TMCC1: variants seen among roughly 807,000 people sequenced by gnomAD.
TMCC1 encodes the protein transmembrane and coiled-coil domains protein 1.
In TMCC1, 15 loss-of-function variants were observed where a neutral mutation model predicts 52.4. The observed-to-expected ratio is 0.29, with a 90% CI of 0.19 to 0.44. The LOEUF is 0.44. TMCC1 is among the 20% of genes least tolerant of loss of function. The probability of loss-of-function intolerance (pLI) is 1.00; values close to 1 mark genes in which losing one functional copy is unlikely to be tolerated. For synonymous variants in TMCC1, 279 were observed against 301.9 expected (o/e 0.92, Z 0.79); for missense variants, 503 against 806.0 (o/e 0.62, Z 4.55).
chr3:129,795,861 C>T (rs2056789143), intron 4 of TMCC1, among the ~76,000 whole-genome samples: 2 of 152,148 alleles, frequency 1.3e-5, no homozygotes, highest in East Asian at 1.9e-4. Flanking sequence ...GTCATCAGAT[C>T]GACTGTTGCA....
intron 4 of TMCC1, among the ~76,000 whole-genome samples, chr3:129,797,991 T>TTA (rs1390670430): frequency 7.3e-5 from 11 of 151,026 alleles, no homozygotes; most frequent in Admixed American, 7.2e-4. Context: ...TGTGCCTTTT[T>TTA]TTTTTTTTTC....
chr3:129,767,547 A>AT (rs953778801), intron 4 of TMCC1, among the ~76,000 whole-genome samples: 68 of 151,978 alleles, frequency 4.5e-4, no homozygotes, highest in African/African-American at 1.6e-3. Flanking sequence ...TAATTTTTAA[A>AT]TTTTTTTGTA....
At chr3:129,745,087 T>C (rs758935819) in intron 4 of TMCC1, among the ~76,000 whole-genome samples, 1 of 152,222 alleles carries the variant, frequency 6.6e-6, no homozygotes, top group Non-Finnish European at 1.5e-5. Context: ...TTGTAAGACA[T>C]GCACTGCACT....
chr3:129,766,994 G>T (rs190012943), intron 4 of TMCC1, among the ~76,000 whole-genome samples: 1 of 151,722 alleles, frequency 6.6e-6, no homozygotes, highest in Admixed American at 6.6e-5. Flanking sequence ...GGGCACAGTG[G>T]CTTATACCTG....
intron 2 of TMCC1, among the ~76,000 whole-genome samples, chr3:129,871,395 A>C (rs898122409): frequency 7.3e-5 from 11 of 150,426 alleles, no homozygotes; most frequent in African/African-American, 2.4e-4. Context: ...AAAGAATAGG[A>C]TCTTACATTT....
At chr3:129,676,607 C>G (rs1480411133) in intron 4 of TMCC1, among the ~76,000 whole-genome samples, 4 of 152,182 alleles carry the variant, frequency 2.6e-5, no homozygotes, top group African/African-American at 4.8e-5. Flanking sequence ...TTAGCTCTGT[C>G]TACTTTCTCT....
chr3:129,855,117 G>A (rs2060093806), intron 2 of TMCC1, among the ~76,000 whole-genome samples: 2 of 152,150 alleles, frequency 1.3e-5, no homozygotes, highest in Admixed American at 1.3e-4. Context: ...TCTTTGGCAA[G>A]GTCCTTTTAG....
chr3:129,891,508 G>A (rs2061961714), intron 1 of TMCC1, among the ~76,000 whole-genome samples: 1 of 152,170 alleles, frequency 6.6e-6, no homozygotes, highest in Non-Finnish European at 1.5e-5. Context: ...GAATTGAGTA[G>A]TTGCAAAAGA....
chr3:129,727,035 T>C (rs1293676842), intron 4 of TMCC1, among the ~76,000 whole-genome samples: 1 of 152,024 alleles, frequency 6.6e-6, no homozygotes, highest in Non-Finnish European at 1.5e-5. Context: ...TTCTTTCTAC[T>C]AAACCATGGT....
intron 4 of TMCC1, among the ~76,000 whole-genome samples, chr3:129,772,722 C>CAAA (rs34785535): frequency 2.1e-4 from 16 of 76,162 alleles, no homozygotes; most frequent in East Asian, 4.0e-4. Context: ...GACTCCGCCT[C>CAAA]AAAAAAAAAA....
chr3:129,745,016 T>C (rs941987517), intron 4 of TMCC1, among the ~76,000 whole-genome samples: 4 of 152,194 alleles, frequency 2.6e-5, no homozygotes, highest in Non-Finnish European at 5.9e-5. Flanking sequence ...CACACAATAA[T>C]AGAGCAATTT....
intron 4 of TMCC1, among the ~76,000 whole-genome samples, chr3:129,703,608 G>A (rs2048001877): frequency 6.6e-6 from 1 of 152,178 alleles, no homozygotes; most frequent in South Asian, 2.1e-4. Context: ...CAAGGTTGAG[G>A]CTGGAGATGA....
At chr3:129,685,786 T>C (rs1035499977) in intron 4 of TMCC1, among the ~76,000 whole-genome samples, 1 of 152,236 alleles carries the variant, frequency 6.6e-6, no homozygotes, top group African/African-American at 2.4e-5. Flanking sequence ...AAAATCTACA[T>C]GTCCAAAACC....
intron 2 of TMCC1, among the ~76,000 whole-genome samples, chr3:129,879,498 C>T (rs2061367865): frequency 1.3e-5 from 2 of 152,114 alleles, no homozygotes; most frequent in African/African-American, 2.4e-5. Flanking sequence ...AACAGATATA[C>T]CTATAACTGT....
chr3:129,826,380 G>A (rs554875097), intron 4 of TMCC1, among the ~76,000 whole-genome samples: 6 of 150,884 alleles, frequency 4.0e-5, no homozygotes, highest in African/African-American at 4.9e-5. Context: ...GCTGGCATGC[G>A]CCTGTAGTAC....
chr3:129,835,263 T>A lies in TMCC1; in HGVS notation c.-183-2437A>T, dbSNP rs375634393. ...TTTCCTATTCATGGCTGTGTTTTCA[T>A]GCTGTGAATAAGTTTTTCTTTTCCA... is the stretch of plus-strand genomic sequence containing the variant. On this transcript the variant is annotated intron_variant, in intron 2 of 6. Coordinates refer to ENST00000393238, the MANE Select transcript of TMCC1 (RefSeq NM_001017395.5). Among the ~76,000 whole-genome samples the A allele has an allele frequency of 9.9e-5, 15 of 152,218 alleles. No homozygotes were observed. In the East Asian group the frequency reaches 2.3e-3, roughly 23 times the overall value.
intron 4 of TMCC1, among the ~76,000 whole-genome samples, chr3:129,701,748 C>T (rs1000113029): frequency 1.3e-5 from 2 of 152,098 alleles, no homozygotes; most frequent in African/African-American, 4.8e-5. Flanking sequence ...TTAGGTACTG[C>T]CTACCTCAAT....
intron 4 of TMCC1, among the ~76,000 whole-genome samples, chr3:129,693,503 A>ATTTTT (rs11433105): frequency 3.3e-5 from 4 of 121,990 alleles, no homozygotes; most frequent in Admixed American, 9.3e-5. Context: ...CCAAGATTGA[A>ATTTTT]TTTTTTTTTT....
At chr3:129,853,406 C>T (rs973003798) in intron 2 of TMCC1, among the ~76,000 whole-genome samples, 3 of 152,044 alleles carry the variant, frequency 2.0e-5, no homozygotes, top group Non-Finnish European at 4.4e-5. Flanking sequence ...AAGAGGATTG[C>T]TTGAGCCCAG....
Sources: allele counts gnomAD v4.1 joint callset (sites outside exome capture counted in the v4.1 genomes callset), GRCh38; gene constraint gnomAD v4.1.1; transcripts MANE v1.5; gene names NCBI Gene and HGNC (gene_info 2026-07-23, HGNC 2026-07-21).